Variants in APP observed in about 807,000 individuals in gnomAD.
APP encodes amyloid beta precursor protein.
APP carries 31 observed loss-of-function variants against 101.4 expected under a neutral mutation model. That is an observed-to-expected ratio of 0.31 (90% CI 0.23 to 0.41). The LOEUF is 0.41. Among genes scored for constraint, APP ranks in the 10% least tolerant of loss-of-function variants. The probability of loss-of-function intolerance (pLI) is 1.00; values close to 1 mark genes in which losing one functional copy is unlikely to be tolerated. For synonymous variants in APP, 366 were observed against 364.4 expected, an observed-to-expected ratio of 1.00 and a Z score of -0.05; for missense variants, 839 against 1,003.7, an observed-to-expected ratio of 0.84 and a Z score of 2.22.
intron 6 of APP, among the ~76,000 whole-genome samples, chr21:26,015,373 G>A (rs1375416503): frequency 1.3e-5 from 2 of 152,088 alleles, no homozygotes; most frequent in African/African-American, 2.4e-5. Flanking sequence ...TCACAAAATA[G>A]TTAAATATTG....
chr21:25,960,877 T>C (rs1460554474), intron 11 of APP, among the ~76,000 whole-genome samples: 1 of 152,188 alleles, frequency 6.6e-6, no homozygotes, highest in Admixed American at 6.5e-5. Flanking sequence ...AACACATCTC[T>C]AGGAATCATG....
intron 2 of APP, among the ~76,000 whole-genome samples, chr21:26,103,730 C>T (rs1181129968): frequency 6.6e-6 from 1 of 152,244 alleles, no homozygotes; most frequent in Non-Finnish European, 1.5e-5. Flanking sequence ...CCCATTACCG[C>T]TCCAATCTCT....
intron 5 of APP, among the ~76,000 whole-genome samples, chr21:26,028,296 A>T (rs980018327): frequency 6.6e-6 from 1 of 152,196 alleles, no homozygotes; most frequent in Non-Finnish European, 1.5e-5. Context: ...CATTTAATGA[A>T]TACTTATTCT....
chr21:26,068,714 A>G (rs1019546252), intron 3 of APP, among the ~76,000 whole-genome samples: 11 of 152,034 alleles, frequency 7.2e-5, no homozygotes, highest in Non-Finnish European at 1.6e-4. Context: ...CCACCAATCT[A>G]TCTCAAGCCA....
chr21:25,985,988 C>T (rs1046969874), intron 8 of APP, among the ~76,000 whole-genome samples: 1 of 152,128 alleles, frequency 6.6e-6, no homozygotes, highest in African/African-American at 2.4e-5. Context: ...TGGTGAGGAT[C>T]CCGGAAGGAG....
At chr21:26,023,247 C>G (rs1291424697) in intron 5 of APP, among the ~76,000 whole-genome samples, 1 of 151,800 alleles carries the variant, frequency 6.6e-6, no homozygotes, top group Non-Finnish European at 1.5e-5. Context: ...GATCACCTAC[C>G]TGCTAAATGT....
At chr21:26,122,797 T>C (rs1444639954) in intron 1 of APP, among the ~76,000 whole-genome samples, 1 of 151,910 alleles carries the variant, frequency 6.6e-6, no homozygotes, top group Non-Finnish European at 1.5e-5. Context: ...TTAAAAGATT[T>C]CTTAAAGGTC....
intron 1 of APP, among the ~76,000 whole-genome samples, chr21:26,132,167 G>C (rs938034156): frequency 6.6e-6 from 1 of 152,186 alleles, no homozygotes; most frequent in Non-Finnish European, 1.5e-5. Flanking sequence ...AGTTTGCTAT[G>C]ATCGAGCCTG....
At chr21:26,159,150 GCT>G (rs2063434797) in intron 1 of APP, among the ~76,000 whole-genome samples, 1 of 152,040 alleles carries the variant, frequency 6.6e-6, no homozygotes, top group South Asian at 2.1e-4. Context: ...TGGCACGATG[GCT>G]CACTGCAAGC....
At chr21:26,088,137 G>T (rs1417666438) in intron 3 of APP, among the ~76,000 whole-genome samples, 1 of 152,130 alleles carries the variant, frequency 6.6e-6, no homozygotes, top group East Asian at 1.9e-4. Context: ...ACACCCAGTG[G>T]AAGGAGAGCT....
rs773235281 is a variant in APP, at chr21:26,170,550, G to A, written c.57+14C>T. The A allele has an allele frequency of 4.8e-5, 74 of 1,537,276 alleles. No individual in the cohort carries two copies. Among genetic ancestry groups the A allele is most frequent in the Non-Finnish European group, 6.1e-5 (70 of 1,146,114 alleles). The stretch of plus-strand genomic sequence containing the variant: ...CGTGCAGCCTCCCCCCGCCTTCCGA[G>A]GCGCGGCACCCACCTCCAGCGCCCG... On this transcript the variant is annotated intron_variant, in intron 1 of 17. Coordinates refer to ENST00000346798, the MANE Select transcript of APP (RefSeq NM_000484.4).
intron 3 of APP, among the ~76,000 whole-genome samples, chr21:26,053,655 T>C (rs1386090925): frequency 6.6e-6 from 1 of 152,196 alleles, no homozygotes; most frequent in Non-Finnish European, 1.5e-5. Flanking sequence ...GAGAACCAAT[T>C]ACCATTCTAC....
Position 26,147,653 on chromosome 21 carries a change from C to T in APP, c.57+22911G>A, listed in dbSNP as rs547804673. The stretch of plus-strand genomic sequence containing the variant: ...GCTCAATCAATTTATTAGAAATAAG[C>T]GGCAAAGAGCATCTGTTCCCACAGA... On this transcript the variant is annotated intron_variant, in intron 1 of 17. Coordinates refer to ENST00000346798, the MANE Select transcript of APP (RefSeq NM_000484.4). Among the ~76,000 whole-genome samples, 15 of 152,034 alleles carry T rather than the reference C, an allele frequency of 9.9e-5. No individual in the cohort carries two copies. In the East Asian group the frequency reaches 2.3e-3, roughly 23 times the overall value.
chr21:25,890,036 CCT>C (rs1398090221), intron 17 of APP, among the ~76,000 whole-genome samples: 1 of 152,080 alleles, frequency 6.6e-6, no homozygotes, highest in Non-Finnish European at 1.5e-5. Flanking sequence ...CTAATGAAAA[CCT>C]ATCTTACACT....
At chr21:26,005,707 G>C (rs907885706) in intron 6 of APP, among the ~76,000 whole-genome samples, 1 of 152,116 alleles carries the variant, frequency 6.6e-6, no homozygotes, top group African/African-American at 2.4e-5. Context: ...AAATGCTTAT[G>C]TTTACATTTT....
At chr21:26,109,720 A>G (rs1297506029) in intron 2 of APP, among the ~76,000 whole-genome samples, 1 of 90 alleles carries the variant, frequency 0.011, no homozygotes, top group Non-Finnish European at 0.025. Context: ...GGTCAAGAAG[A>G]GTAATTTTTG....
intron 13 of APP, among the ~76,000 whole-genome samples, chr21:25,927,345 A>AG (rs34463129): frequency 1 from 152,273 of 152,290 alleles, 76,128 homozygotes; most frequent in Middle Eastern, 1. Flanking sequence ...AATGGCCAGA[A>AG]GTTTCACCAA....
chr21:26,068,618 T>C (rs1601380855), intron 3 of APP, among the ~76,000 whole-genome samples: 1 of 152,298 alleles, frequency 6.6e-6, no homozygotes, highest in African/African-American at 2.4e-5. Context: ...CTCTCCTAGC[T>C]TCAGCCTCCC....
chr21:25,945,917 A>C (rs1388201178), intron 13 of APP: 3 of 455,736 alleles, frequency 6.6e-6, no homozygotes, highest in Non-Finnish European at 1.3e-5. Context: ...TCTGGGCTCA[A>C]GTCATCTGCC....
Sources: allele counts gnomAD v4.1 joint callset (sites outside exome capture counted in the v4.1 genomes callset), GRCh38; gene constraint gnomAD v4.1.1; transcripts MANE v1.5; gene names NCBI Gene and HGNC (gene_info 2026-07-23, HGNC 2026-07-21).